The following NEGR1 variants were observed in gnomAD, a reference collection of about 807,000 sequenced individuals.
NEGR1 encodes neuronal growth regulator 1, also known as IgLON family member 4.
Under a neutral mutation model 40.9 loss-of-function variants are expected in NEGR1, and 10 were observed. The ratio of observed to expected loss-of-function variants is 0.24; its 90% CI spans 0.15 to 0.42. NEGR1 has a LOEUF of 0.42. Ranked by LOEUF, NEGR1 falls within the 10% of genes least tolerant of loss-of-function variation. NEGR1 has a pLI of 1.00. For synonymous variants in NEGR1, 185 were observed against 166.8 expected, an observed-to-expected ratio of 1.11 and a Z score of -0.84; for missense variants, 352 against 438.9, an observed-to-expected ratio of 0.80 and a Z score of 1.77.
chr1:71,867,711 A>G (rs539633801), intron 2 of NEGR1, among the ~76,000 whole-genome samples: 1 of 152,268 alleles, frequency 6.6e-6, no homozygotes, highest in Admixed American at 6.5e-5. Context: ...AAAATATTGT[A>G]TCATGTTTAT....
intron 1 of NEGR1, among the ~76,000 whole-genome samples, chr1:72,115,378 A>C (rs1188465661): frequency 6.6e-6 from 1 of 151,820 alleles, no homozygotes; most frequent in South Asian, 2.1e-4. Context: ...GCAAGTTTTA[A>C]GTTTATTAGT....
chr1:71,405,296 A>G lies in NEGR1; in HGVS notation c.*2150T>C, dbSNP rs1189819722. 1 of 152,264 alleles carries G rather than the reference A, an allele frequency of 6.6e-6. No individual in the cohort carries two copies. The highest frequency in any genetic ancestry group is 1.5e-5 in the Non-Finnish European group (1 of 67,764). The allele number at this position is 152,264 out of a possible 1,614,324, so 9.4% of individuals were successfully genotyped here. On this transcript the variant is annotated 3_prime_UTR_variant, in exon 7 of 7. Coordinates refer to ENST00000357731, the MANE Select transcript of NEGR1 (RefSeq NM_173808.3). ...GGAAAGCGGTCACTGAATAATATGCATTCTTGATCTGTTTCTTTCTCCCAA... is the reference window on the plus strand; with the variant it reads ...GGAAAGCGGTCACTGAATAATATGCGTTCTTGATCTGTTTCTTTCTCCCAA...
chr1:71,724,412 T>C (rs904764898), intron 3 of NEGR1, among the ~76,000 whole-genome samples: 1 of 152,144 alleles, frequency 6.6e-6, no homozygotes, highest in African/African-American at 2.4e-5. Context: ...ATAGAAGTGA[T>C]TTTAATGGTG....
At chr1:71,432,904 G>A (rs952929187) in intron 6 of NEGR1, among the ~76,000 whole-genome samples, 1 of 152,174 alleles carries the variant, frequency 6.6e-6, no homozygotes, top group Admixed American at 6.5e-5. Flanking sequence ...AGATTTGTAT[G>A]TCTTTTTTCT....
intron 1 of NEGR1, among the ~76,000 whole-genome samples, chr1:72,090,889 C>T (rs1648457235): frequency 1.3e-5 from 2 of 152,166 alleles, no homozygotes; most frequent in African/African-American, 4.8e-5. Flanking sequence ...TGCTGTTAAG[C>T]TGATATTCCA....
chr1:72,065,770 A>G (rs759828779), intron 1 of NEGR1, among the ~76,000 whole-genome samples: 5 of 152,130 alleles, frequency 3.3e-5, no homozygotes, highest in Admixed American at 1.3e-4. Flanking sequence ...GCATTAATCA[A>G]TGCTCTAAGA....
chr1:71,410,377 T>C (rs1200759132), intron 6 of NEGR1, among the ~76,000 whole-genome samples: 1 of 152,090 alleles, frequency 6.6e-6, no homozygotes, highest in Non-Finnish European at 1.5e-5. Flanking sequence ...CTACTGAATA[T>C]CTATTATGTT....
At chr1:72,058,945 A>G (rs1399661422) in intron 1 of NEGR1, among the ~76,000 whole-genome samples, 1 of 151,534 alleles carries the variant, frequency 6.6e-6, no homozygotes, top group Non-Finnish European at 1.5e-5. Flanking sequence ...CTTTATTTCT[A>G]TTGTGGGGAT....
chr1:71,795,455 A>G (rs566025949), intron 2 of NEGR1, among the ~76,000 whole-genome samples: 77 of 152,106 alleles, frequency 5.1e-4, no homozygotes, highest in Non-Finnish European at 9.1e-4. Context: ...AAATATATCA[A>G]TTCATGGGCC....
intron 2 of NEGR1, among the ~76,000 whole-genome samples, chr1:71,877,191 G>C (rs1660457391): frequency 1.3e-5 from 2 of 152,006 alleles, no homozygotes; most frequent in African/African-American, 4.8e-5. Flanking sequence ...AGTAAGGCAG[G>C]CAGCTCCATC....
intron 2 of NEGR1, among the ~76,000 whole-genome samples, chr1:71,808,736 G>GA (rs149184521): frequency 4.1e-4 from 61 of 149,594 alleles, no homozygotes; most frequent in African/African-American, 1.3e-3. Context: ...TCTTATTTCA[G>GA]AAAAAAAAAG....
intron 6 of NEGR1, among the ~76,000 whole-genome samples, chr1:71,566,099 C>A (rs1490100053): frequency 6.6e-6 from 1 of 152,076 alleles, no homozygotes; most frequent in South Asian, 2.1e-4. Context: ...CCGAAGGAAA[C>A]AACCCTGCCA....
At chr1:71,683,615 A>C (rs1247847864) in intron 4 of NEGR1, among the ~76,000 whole-genome samples, 1 of 152,016 alleles carries the variant, frequency 6.6e-6, no homozygotes, top group Admixed American at 6.6e-5. Context: ...CAAGATAAAT[A>C]CTTAGTTTGA....
At chr1:72,101,654 G>T (rs1024997601) in intron 1 of NEGR1, among the ~76,000 whole-genome samples, 10 of 151,940 alleles carry the variant, frequency 6.6e-5, no homozygotes, top group South Asian at 4.1e-4. Flanking sequence ...AAGAGTAAGA[G>T]ATAGGGTTAA....
At chr1:71,473,823 C>A (rs1204755436) in intron 6 of NEGR1, among the ~76,000 whole-genome samples, 1 of 151,888 alleles carries the variant, frequency 6.6e-6, no homozygotes, top group Non-Finnish European at 1.5e-5. Flanking sequence ...CTAATGGCTT[C>A]CTTTGTGACT....
rs1352340187 is a variant in NEGR1, at chr1:71,658,541, G to A, written c.667+39467C>T. Among the ~76,000 whole-genome samples, 4 of 151,816 alleles carry A rather than the reference G, an allele frequency of 2.6e-5. 1 individual carries two copies. The highest frequency in any genetic ancestry group is 4.2e-4 in the South Asian group (2 of 4,782). ...AAAGAACTGCTGAGTTGTTTATTACGGCAAATGGTGTCTATTGCACTTTCA... is the reference window on the plus strand; with the variant it reads ...AAAGAACTGCTGAGTTGTTTATTACAGCAAATGGTGTCTATTGCACTTTCA... On this transcript the variant is annotated intron_variant, in intron 4 of 6. Transcript: ENST00000357731.
At chr1:71,800,237 C>T (rs1048451423) in intron 2 of NEGR1, among the ~76,000 whole-genome samples, 1 of 152,134 alleles carries the variant, frequency 6.6e-6, no homozygotes. Context: ...TCTGCAGATT[C>T]TGGATATTAG....
chr1:72,108,008 C>T (rs913991146), intron 1 of NEGR1, among the ~76,000 whole-genome samples: 4 of 151,364 alleles, frequency 2.6e-5, no homozygotes, highest in Non-Finnish European at 4.4e-5. Context: ...TTTTTAAGTG[C>T]AGCCAGGTTT....
chr1:71,426,769 T>A (rs1241335835), intron 6 of NEGR1, among the ~76,000 whole-genome samples: 1 of 152,176 alleles, frequency 6.6e-6, no homozygotes, highest in Non-Finnish European at 1.5e-5. Context: ...ATTGAAAAAT[T>A]CCTATCTGTT....
Sources: gnomAD v4.1 joint callset for allele counts (sites outside exome capture counted in the v4.1 genomes callset) on GRCh38, gnomAD v4.1.1 for gene constraint, MANE v1.5 for transcripts, NCBI Gene and HGNC (gene_info 2026-07-23, HGNC 2026-07-21) for gene names.